The following CACNA2D3 variants were observed in gnomAD, a reference collection of about 807,000 sequenced individuals.
The protein encoded by CACNA2D3 is voltage-dependent calcium channel subunit alpha-2/delta-3.
In CACNA2D3, 60 loss-of-function variants were observed where a neutral mutation model predicts 160.6. The ratio of observed to expected loss-of-function variants is 0.37; its 90% CI spans 0.30 to 0.46. CACNA2D3 has a LOEUF of 0.46. Ranked by LOEUF, CACNA2D3 falls within the 20% of genes least tolerant of loss-of-function variation. The pLI is 1.00. For synonymous variants in CACNA2D3, 558 were observed against 492.9 expected (o/e 1.13, Z -1.75); for missense variants, 1,205 against 1,365.0 (o/e 0.88, Z 1.85).
intron 10 of CACNA2D3, among the ~76,000 whole-genome samples, chr3:54,636,641 T>C (rs565412726): frequency 1.5e-4 from 23 of 152,106 alleles, no homozygotes; most frequent in Non-Finnish European, 2.6e-4. Flanking sequence ...CTACAGGGTG[T>C]GGTCCTGGCT....
intron 5 of CACNA2D3, among the ~76,000 whole-genome samples, chr3:54,561,523 C>T (rs1397416057): frequency 2.6e-5 from 4 of 152,188 alleles, no homozygotes; most frequent in Admixed American, 1.3e-4. Context: ...CATCTGTAAA[C>T]AGGGATAGTT....
intron 4 of CACNA2D3, among the ~76,000 whole-genome samples, chr3:54,471,089 C>T (rs931648191): frequency 5.9e-5 from 9 of 152,178 alleles, no homozygotes; most frequent in Non-Finnish European, 8.8e-5. Context: ...CTCTCCACCC[C>T]AAATAAACAG....
intron 4 of CACNA2D3, among the ~76,000 whole-genome samples, chr3:54,465,868 G>C (rs1038858580): frequency 2.0e-5 from 3 of 152,150 alleles, no homozygotes; most frequent in Non-Finnish European, 2.9e-5. Flanking sequence ...CTGAAGGTAA[G>C]GTGCTGGCTG....
chr3:54,345,504 T>G (rs1468170844), intron 3 of CACNA2D3, among the ~76,000 whole-genome samples: 1 of 152,218 alleles, frequency 6.6e-6, no homozygotes, highest in African/African-American at 2.4e-5. Flanking sequence ...CCTTGCTCAG[T>G]TCTAGCTCTT....
At chr3:54,727,939 C>A (rs1240801080) in intron 11 of CACNA2D3, among the ~76,000 whole-genome samples, 1 of 152,176 alleles carries the variant, frequency 6.6e-6, no homozygotes, top group Non-Finnish European at 1.5e-5. Context: ...CATTTTAGAC[C>A]TTTCTTACTT....
chr3:54,789,317 A>C (rs1433675690), intron 13 of CACNA2D3, among the ~76,000 whole-genome samples: 1 of 152,242 alleles, frequency 6.6e-6, no homozygotes, highest in Admixed American at 6.5e-5. Context: ...CAAATGTTCA[A>C]AAATAAAACT....
intron 13 of CACNA2D3, among the ~76,000 whole-genome samples, chr3:54,814,764 C>T (rs1220731759): frequency 6.6e-6 from 1 of 152,082 alleles, no homozygotes; most frequent in Non-Finnish European, 1.5e-5. Flanking sequence ...TTCCCATATG[C>T]TTAAATGGAT....
intron 2 of CACNA2D3, among the ~76,000 whole-genome samples, chr3:54,268,663 C>T (rs866093093): frequency 6.6e-6 from 1 of 152,138 alleles, no homozygotes; most frequent in African/African-American, 2.4e-5. Context: ...ACCCGCTTGG[C>T]CTCCCAAAGT....
At chr3:55,074,038 G>C in intron 37 of CACNA2D3, 76 bp from the exon 38 acceptor site, 3 of 1,257,516 alleles carry the variant, frequency 2.4e-6, no homozygotes, top group Non-Finnish European at 3.5e-6. Context: ...GTTAGAGAGG[G>C]GGAGAGAGGT....
Position 54,522,929 on chromosome 3 carries a change from T to TTACTTACTTAC in CACNA2D3, c.544+19276_544+19277insACTTACTTACT, listed in dbSNP as rs1559503829. ...CACCATTTATTTATTTATTTATTTA[T>TTACTTACTTAC]TTATTTACTTACTTACTTACTTACT... On this transcript the variant is annotated intron_variant, in intron 5 of 37. Transcript: ENST00000474759. Among the ~76,000 whole-genome samples, 808 of 104,874 alleles carry TTACTTACTTAC rather than the reference T, an allele frequency of 7.7e-3. 6 individuals carry two copies. The highest frequency in any genetic ancestry group is 0.052 in the East Asian group (202 of 3,850). 68.8% of individuals were successfully genotyped at this position (104,874 alleles called of 152,430 possible). A position where few individuals can be genotyped will look rare whatever the true frequency, so the allele number is the denominator to read the frequency against.
At chr3:55,004,062 G>A (rs1010113757) in intron 31 of CACNA2D3, among the ~76,000 whole-genome samples, 6 of 152,160 alleles carry the variant, frequency 3.9e-5, no homozygotes, top group Non-Finnish European at 1.5e-5. Flanking sequence ...AAAATACATT[G>A]AATAATGTTA....
intron 9 of CACNA2D3, among the ~76,000 whole-genome samples, chr3:54,595,762 G>A: frequency 6.6e-6 from 1 of 152,166 alleles, no homozygotes; most frequent in East Asian, 1.9e-4. Context: ...CAATAATAAA[G>A]AGCACTAAAA....
intron 4 of CACNA2D3, among the ~76,000 whole-genome samples, chr3:54,424,854 G>A (rs564645555): frequency 3.4e-4 from 52 of 151,990 alleles, no homozygotes; most frequent in African/African-American, 1.1e-3. Context: ...TTCCTGCATC[G>A]TCTGCATACC....
intron 13 of CACNA2D3, among the ~76,000 whole-genome samples, chr3:54,815,354 A>G (rs1703424941): frequency 6.6e-6 from 1 of 152,204 alleles, no homozygotes; most frequent in African/African-American, 2.4e-5. Flanking sequence ...GATCCAAAAC[A>G]TCTTGTTTGT....
chr3:54,643,356 C>T (rs527297), intron 11 of CACNA2D3, among the ~76,000 whole-genome samples: 63,835 of 151,964 alleles, frequency 0.42, 15,033 homozygotes, highest in Non-Finnish European at 0.52. Context: ...TCTCACCTCA[C>T]CAAGTGTGAG....
chr3:54,904,902 T>C (rs1477281823), intron 27 of CACNA2D3, among the ~76,000 whole-genome samples: 4 of 152,188 alleles, frequency 2.6e-5, no homozygotes, highest in Admixed American at 6.5e-5. Context: ...TTTTAAGGAA[T>C]AGAAAATTGT....
intron 2 of CACNA2D3, among the ~76,000 whole-genome samples, chr3:54,268,449 G>A (rs929907934): frequency 4.6e-5 from 7 of 152,032 alleles, no homozygotes; most frequent in African/African-American, 1.4e-4. Context: ...CACTCTTGTC[G>A]CCCAGGCTGG....
chr3:54,437,504 G>T (rs6445661), intron 4 of CACNA2D3, among the ~76,000 whole-genome samples: 1 of 152,234 alleles, frequency 6.6e-6, no homozygotes, highest in Non-Finnish European at 1.5e-5. Context: ...TCCCACTTAG[G>T]TGGGAATAGC....
At position 54,136,161 on chromosome 3, in the gene CACNA2D3, A is replaced by G. The variant is rs146858268; in HGVS notation, c.204+12567A>G. On this transcript the variant is annotated intron_variant, in intron 2 of 37. Transcript: ENST00000474759. ...TTTCACCTAGAGAAAATGTTCCTCC[A>G]GTGCATCTATTTTTAACAGCCAAAA... Among the ~76,000 whole-genome samples, 1,321 of 152,348 alleles carry G rather than the reference A, an allele frequency of 8.7e-3. 8 individuals carry two copies. The highest frequency in any genetic ancestry group is 0.014 in the Middle Eastern group (4 of 294).
Sources: allele counts gnomAD v4.1 joint callset (sites outside exome capture counted in the v4.1 genomes callset), GRCh38; gene constraint gnomAD v4.1.1; transcripts MANE v1.5; gene names NCBI Gene and HGNC (gene_info 2026-07-23, HGNC 2026-07-21).